Variants in HMG20B observed in about 807,000 individuals in gnomAD.
The protein encoded by HMG20B is SWI/SNF-related matrix-associated actin-dependent regulator of chromatin subfamily E member 1-related.
HMG20B carries 24 observed loss-of-function variants against 41.6 expected under a neutral mutation model. The ratio of observed to expected loss-of-function variants is 0.58; its 90% confidence interval spans 0.42 to 0.81. HMG20B has a LOEUF of 0.81. HMG20B is among the 30% of genes least tolerant of loss of function. HMG20B has a pLI of 0.00. For missense variants in HMG20B, 461 were observed against 444.0 expected, an observed-to-expected ratio of 1.04 and a Z score of -0.34; for synonymous variants, 251 against 186.6, an observed-to-expected ratio of 1.34 and a Z score of -2.81.
At chr19:3,573,386 T>C in intron 2 of HMG20B, 39 bp downstream of exon 2, 1 of 1,498,224 alleles carries the variant, frequency 6.7e-7, no homozygotes, top group Admixed American at 2.2e-5. Flanking sequence ...CTCGCTACTT[T>C]CCCGGCTGCA....
At chr19:3,577,167 C>G in intron 8 of HMG20B, 60 bp downstream of exon 8, 1 of 1,161,528 alleles carries the variant, frequency 8.6e-7, no homozygotes, top group Non-Finnish European at 1.2e-6. Flanking sequence ...CCGCCTCCCC[C>G]CCCCTCCTCC....
At chr19:3,575,505 T>TC in intron 4 of HMG20B, 35 bp from the exon 5 acceptor site, 1 of 1,557,524 alleles carries the variant, frequency 6.4e-7, no homozygotes, top group Non-Finnish European at 8.7e-7. Flanking sequence ...GTTGGAGGCT[T>TC]CCCCTGCTTC....
At chr19:3,573,605 C>A in intron 2 of HMG20B, 87 bp from the exon 3 acceptor site, 1 of 1,211,730 alleles carries the variant, frequency 8.3e-7, no homozygotes, top group Non-Finnish European at 1.1e-6. Flanking sequence ...TGCAGCCCCG[C>A]CGTCGGGGGT....
At chr19:3,577,170 C>G (rs929503105) in intron 8 of HMG20B, 63 bp downstream of exon 8, 256 of 1,167,128 alleles carry the variant, frequency 2.2e-4, no homozygotes, top group Non-Finnish European at 2.6e-4. Context: ...CCTCCCCCCC[C>G]CTCCTCCCTT....
chr19:3,574,345 C>T, intron 3 of HMG20B, 38 bp from the exon 4 acceptor site: 1 of 1,545,050 alleles, frequency 6.5e-7, no homozygotes, highest in South Asian at 1.2e-5. Flanking sequence ...CCCCAGTACG[C>T]CAGGCCCCCC....
chr19:3,578,393 C>G, intron 9 of HMG20B, 116 bp from the exon 10 acceptor site: 8 of 1,389,338 alleles, frequency 5.8e-6, no homozygotes, highest in Non-Finnish European at 7.7e-6. Context: ...GCCTGTCCCC[C>G]AACCCTGGCA....
chr19:3,577,834 C>A, intron 8 of HMG20B, 147 bp from the exon 9 acceptor site: 1 of 706,688 alleles, frequency 1.4e-6, no homozygotes, highest in Non-Finnish European at 2.3e-6. Flanking sequence ...CTTACCTTAG[C>A]CCACCCTGCG....
chr19:3,574,651 C>T, intron 4 of HMG20B, 65 bp downstream of exon 4: 3 of 1,397,562 alleles, frequency 2.1e-6, no homozygotes, highest in Non-Finnish European at 2.9e-6. Context: ...GTAGCCCCGA[C>T]CCCCAAAGGA....
rs762900877 is a variant in HMG20B, at chr19:3,574,575, A to G, written c.340A>G (p.Thr114Ala). Residue 114 changes from threonine (T) to alanine (A), a missense_variant, in exon 4 of 10, where the codon ACG (threonine) becomes GCG (alanine). Physicochemically the swap from Thr to Ala is moderately conservative, Grantham distance 58. Coordinates refer to ENST00000333651, the MANE Select transcript of HMG20B (RefSeq NM_006339.3). ...LGAEWSKLQPTEKQRYLDEAE... is the reference protein window; with the variant it reads ...LGAEWSKLQPAEKQRYLDEAE... ...CGCCGAGTGGAGCAAGCTGCAGCCA[A>G]CGGAAAAGCAGGTGGGCGGGGCGGG... The G allele has an allele frequency of 2.5e-6, 4 of 1,599,126 alleles. No homozygotes were observed. Among genetic ancestry groups the G allele is most frequent in the Non-Finnish European group, 3.4e-6 (4 of 1,174,936 alleles).
At chr19:3,578,197 G>A in intron 9 of HMG20B, 84 bp downstream of exon 9, 2 of 1,539,274 alleles carry the variant, frequency 1.3e-6, no homozygotes, top group African/African-American at 1.4e-5. Context: ...CGCGAGGGCT[G>A]CTGGGTGGGA....
rs1358815227 is a variant in HMG20B at position 3,578,101 on chromosome 19, C to A, written c.929C>A (p.Ala310Asp). Residue 310 changes from alanine (A) to aspartate (D), a missense_variant, in exon 9 of 10, where the codon GCC becomes GAC. Coordinates refer to ENST00000333651, the MANE Select transcript of HMG20B (RefSeq NM_006339.3). Reference protein sequence around the residue: ...KLIVRIKEILAQVASEHL With the variant: ...KLIVRIKEILDQVASEHL ...ATCGTCCGCATCAAGGAAATCCTGG[C>A]CCAGGTCGCCAGGTGTGTGCCGGGC... 3 of 1,611,014 alleles carry A rather than the reference C, an allele frequency of 1.9e-6. No individual in the cohort carries two copies. The highest frequency in any genetic ancestry group is 2.5e-6 in the Non-Finnish European group (3 of 1,179,372).
At chr19:3,576,712 GA>G in intron 7 of HMG20B, 87 bp downstream of exon 7, 1 of 1,345,714 alleles carries the variant, frequency 7.4e-7, no homozygotes, top group Admixed American at 2.0e-5. Context: ...AAGACTGCAG[GA>G]GGCGGATCGG....
rs141555053 is a variant in HMG20B at position 3,579,003 on chromosome 19, G to C, written c.*482G>C. The C allele has an allele frequency of 1.7e-4, 60 of 352,694 alleles. No homozygotes were observed. The highest frequency in any genetic ancestry group is 1.7e-3 in the East Asian group (22 of 12,966). 21.8% of individuals were successfully genotyped at this position (352,694 alleles called of 1,614,324 possible). A position where few individuals can be genotyped will look rare whatever the true frequency, so the allele number is the denominator to read the frequency against. ...TTGCCCATCCTGCTCTCCTCCAGCC[G>C]AGGGACCCTGGTGGGGGTGGCTCCT... On this transcript the variant is annotated 3_prime_UTR_variant, in exon 10 of 10. Coordinates refer to ENST00000333651, the MANE Select transcript of HMG20B (RefSeq NM_006339.3). This position sits in a 1 kb window ranked among gnomAD's most constrained non-coding sequence, Gnocchi z 7.4.
chr19:3,573,726 G>A lies in HMG20B; in HGVS notation c.73G>A (p.Gly25Ser), dbSNP rs771330370. Residue 25 changes from glycine (G) to serine (S), a missense_variant, in exon 3 of 10, where the codon GGC becomes AGC. Physicochemically the swap from Gly to Ser is moderately conservative, Grantham distance 56 (BLOSUM62 0). This residue lies in a region of HMG20B where 104 missense variants were observed against 76.5 expected (regional missense o/e 1.36). Transcript: ENST00000333651. ...AGGKAPGQHG[G>S]FVVTVKQERG... ...CGGCAAGGCTCCGGGCCAGCATGGG[G>A]GCTTCGTGGTGACTGTCAAGCAAGA... is the stretch of plus-strand genomic sequence containing the variant. 12 of 1,532,202 alleles carry A rather than the reference G, an allele frequency of 7.8e-6. No individual in the cohort carries two copies. In the East Asian group the frequency reaches 2.9e-4, roughly 37 times the overall value. 94.9% of individuals were successfully genotyped at this position (1,532,202 alleles called of 1,614,324 possible). A position where few individuals can be genotyped will look rare whatever the true frequency, so the allele number is the denominator to read the frequency against.
chr19:3,574,178 A>G (rs546885914), intron 3 of HMG20B: 121 of 612,306 alleles, frequency 2.0e-4, no homozygotes, highest in African/African-American at 1.8e-3. Flanking sequence ...AGTTCCTCAG[A>G]TCCCCTCACC....
chr19:3,578,307 G>A (rs2032218098), intron 9 of HMG20B, 194 bp downstream of exon 9: 1 of 1,128,146 alleles, frequency 8.9e-7, no homozygotes. Flanking sequence ...GGGCCGGCGG[G>A]ACCCACTCGG....
chr19:3,577,207 G>A (rs1284103970), intron 8 of HMG20B, 100 bp downstream of exon 8: 6 of 853,148 alleles, frequency 7.0e-6, no homozygotes, highest in Non-Finnish European at 8.3e-6. Flanking sequence ...GCCCGGCGCC[G>A]CCCATCGCCC....
chr19:3,576,547 T>C lies in HMG20B; in HGVS notation c.520-6T>C. ...AGTAAATTGCCACCTTGTCCCTTCG[T>C]CTTAGGGTGGGGACTGCGATGGCTT... On this transcript the variant is annotated splice_polypyrimidine_tract_variant and splice_region_variant and intron_variant, in intron 6 of 9. Coordinates refer to ENST00000333651, the MANE Select transcript of HMG20B (RefSeq NM_006339.3). The C allele has an allele frequency of 6.2e-7, 1 of 1,612,162 alleles. No individual in the cohort carries two copies. Among genetic ancestry groups the C allele is most frequent in the Non-Finnish European group, 8.5e-7 (1 of 1,178,886 alleles).
chr19:3,576,846 G>C lies in HMG20B; in HGVS notation c.593-46G>C, dbSNP rs975647717. 5.8e-6 allele frequency: 9 copies of C among 1,542,626 alleles called. No individual in the cohort carries two copies. The Admixed American group carries it at 1.4e-4, about 24-fold the overall frequency. On this transcript the variant is annotated intron_variant, in intron 7 of 9. Coordinates refer to ENST00000333651, the MANE Select transcript of HMG20B (RefSeq NM_006339.3). Reference sequence around the variant, plus strand: ...CGTCCCGGGCAAAAGCCCGGAGGTAGGGGAAAGGGGAGGCGCAGGCTTTGA... The same window carrying C: ...CGTCCCGGGCAAAAGCCCGGAGGTACGGGAAAGGGGAGGCGCAGGCTTTGA...
Sources: gnomAD v4.1 joint callset for allele counts on GRCh38, gnomAD v4.1.1 for gene constraint, gnomAD v4.1.1 regional missense constraint, Gnocchi (gnomAD v3.1) non-coding constraint, MANE v1.5 for transcripts, NCBI Gene and HGNC (gene_info 2026-07-23, HGNC 2026-07-21) for gene names.